OSBP2: variants seen among roughly 807,000 people sequenced by gnomAD.
The protein encoded by OSBP2 is oxysterol binding protein 2, also known as oxysterol-binding protein 2.
Under a neutral mutation model 96.0 loss-of-function variants are expected in OSBP2, and 66 were observed. That is an observed-to-expected ratio of 0.69 (90% confidence interval 0.56 to 0.84). OSBP2 has a LOEUF of 0.84. Among genes scored for constraint, OSBP2 ranks in the 40% least tolerant of loss-of-function variants. The pLI is 0.00. For synonymous variants in OSBP2, 525 were observed against 520.9 expected, an observed-to-expected ratio of 1.01 and a Z score of -0.11; for missense variants, 1,038 against 1,222.7, an observed-to-expected ratio of 0.85 and a Z score of 2.25.
chr22:30,803,113 A>T, intron 2 of OSBP2: 2 of 208,886 alleles, frequency 9.6e-6, no homozygotes, highest in Non-Finnish European at 9.4e-6. Flanking sequence ...CAGCAGCAGC[A>T]GCTGCAAGAG....
intron 2 of OSBP2, among the ~76,000 whole-genome samples, chr22:30,822,088 CAG>C (rs1434052286): frequency 6.6e-6 from 1 of 152,236 alleles, no homozygotes; most frequent in Non-Finnish European, 1.5e-5. Flanking sequence ...TGGCCAGACA[CAG>C]GTGCACCAGC....
At chr22:30,855,138 A>G (rs1349329223) in intron 2 of OSBP2, among the ~76,000 whole-genome samples, 1 of 152,244 alleles carries the variant, frequency 6.6e-6, no homozygotes, top group Admixed American at 6.5e-5. Flanking sequence ...CAGCCAAACC[A>G]TATGAGTAGG....
Position 30,694,921 on chromosome 22 carries a change from G to T in OSBP2, c.12G>T (p.Ala4=). MGK[A]AAPSRGGGCG... is the part of the protein sequence containing the mutation. ...GGTCGGCCGGCTCTATGGGGAAAGCGGCGGCTCCGAGCCGAGGCGGCGGCT... is the reference window on the plus strand; with the variant it reads ...GGTCGGCCGGCTCTATGGGGAAAGCTGCGGCTCCGAGCCGAGGCGGCGGCT... The change falls in exon 1 of 14, where the codon GCG becomes GCT. Residue 4 remains alanine, a synonymous_variant. Transcript: ENST00000332585. 6 of 1,447,598 alleles carry T rather than the reference G, an allele frequency of 4.1e-6. No homozygotes were observed. The highest frequency in any genetic ancestry group is 5.4e-6 in the Non-Finnish European group (6 of 1,106,618). 89.7% of individuals were successfully genotyped at this position (1,447,598 alleles called of 1,614,324 possible). A position where few individuals can be genotyped will look rare whatever the true frequency, so the allele number is the denominator to read the frequency against.
At position 30,730,802 on chromosome 22, in the gene OSBP2, ATATATAATTT is replaced by A. The variant is rs2089760080; in HGVS notation, c.645-10357_645-10348del. 3.0e-4 allele frequency among the ~76,000 whole-genome samples: 15 copies of A among 49,360 alleles called. 3 individuals are homozygous for A. The highest frequency in any genetic ancestry group is 1.4e-3 in the African/African-American group (13 of 9,196). 32.4% of individuals were successfully genotyped at this position (49,360 alleles called of 152,430 possible). ...TATATATATATATATATATATATAT[ATATATAATTT>A]TTTTTTTTTTTCCCATGGACATTTT... On this transcript the variant is annotated intron_variant, in intron 1 of 13. Coordinates refer to ENST00000332585, the MANE Select transcript of OSBP2 (RefSeq NM_030758.4).
chr22:30,868,355 G>A (rs1415421567), intron 2 of OSBP2, among the ~76,000 whole-genome samples: 5 of 152,220 alleles, frequency 3.3e-5, no homozygotes, highest in Admixed American at 2.6e-4. Flanking sequence ...GACCTCTACC[G>A]TGAGGCCCAG....
rs1240489666 is a variant in OSBP2 at position 30,871,265 on chromosome 22, C to T, written c.1107+583C>T. On this transcript the variant is annotated intron_variant, in intron 3 of 13. Coordinates refer to ENST00000332585, the MANE Select transcript of OSBP2 (RefSeq NM_030758.4). The surrounding 1 kb of genome is among the most constrained non-coding windows in gnomAD (Gnocchi z 4.7). ...AAGCAGCCCCGCCACAGGAGTCAGCCGCTCACCCTGGCTCTGGAAGCCACA... is the reference window on the plus strand; with the variant it reads ...AAGCAGCCCCGCCACAGGAGTCAGCTGCTCACCCTGGCTCTGGAAGCCACA... Among the ~76,000 whole-genome samples the T allele has an allele frequency of 1.3e-5, 2 of 152,122 alleles. No homozygotes were observed. Among genetic ancestry groups the T allele is most frequent in the African/African-American group, 2.4e-5 (1 of 41,418 alleles).
At chr22:30,695,654 A>G (rs1184651511) in intron 1 of OSBP2, 101 bp downstream of exon 1, 52 of 1,514,834 alleles carry the variant, frequency 3.4e-5, no homozygotes, top group Non-Finnish European at 4.4e-5. Flanking sequence ...CCACTAGTCT[A>G]GAGATGTTTA....
At chr22:30,806,602 A>G (rs1223971386) in intron 2 of OSBP2, among the ~76,000 whole-genome samples, 9 of 152,206 alleles carry the variant, frequency 5.9e-5, no homozygotes. Context: ...TGACTCATCC[A>G]TGGAGGTGTT....
chr22:30,765,858 CCTTT>C (rs1205874515), intron 2 of OSBP2, among the ~76,000 whole-genome samples: 2 of 152,130 alleles, frequency 1.3e-5, no homozygotes, highest in African/African-American at 4.8e-5. Flanking sequence ...AGTGCTATAC[CCTTT>C]CTTCATCAGA....
At chr22:30,852,381 C>T (rs1256550497) in intron 2 of OSBP2, among the ~76,000 whole-genome samples, 1 of 152,010 alleles carries the variant, frequency 6.6e-6, no homozygotes, top group East Asian at 1.9e-4. Flanking sequence ...GTAATTGGTT[C>T]TTTCAAGGAA....
intron 1 of OSBP2, among the ~76,000 whole-genome samples, chr22:30,730,370 C>T (rs1490176801): frequency 2.0e-5 from 3 of 152,078 alleles, no homozygotes; most frequent in Admixed American, 1.3e-4. Flanking sequence ...ATGGAGTGAG[C>T]ACCTCCCTTA....
chr22:30,904,124 G>A (rs1689717096), intron 12 of OSBP2, among the ~76,000 whole-genome samples: 1 of 152,200 alleles, frequency 6.6e-6, no homozygotes, highest in Non-Finnish European at 1.5e-5. Flanking sequence ...CAGTTGGGGG[G>A]TGGCTGGCAG....
Position 30,744,883 on chromosome 22 carries a change from T to A in OSBP2, c.853+3514T>A, listed in dbSNP as rs1037432912. Reference sequence around the variant, plus strand: ...CAGCAGATTATAATTTCTTTTCAAGTACACATGGAACATTTTTCAGGATAG... The same window carrying A: ...CAGCAGATTATAATTTCTTTTCAAGAACACATGGAACATTTTTCAGGATAG... On this transcript the variant is annotated intron_variant, in intron 2 of 13. Coordinates refer to ENST00000332585, the MANE Select transcript of OSBP2 (RefSeq NM_030758.4). 3.3e-5 allele frequency among the ~76,000 whole-genome samples: 5 copies of A among 152,312 alleles called. No homozygotes were observed. The East Asian group carries it at 5.8e-4, about 18-fold the overall frequency.
intron 1 of OSBP2, among the ~76,000 whole-genome samples, chr22:30,731,118 G>A (rs183168736): frequency 3.3e-5 from 5 of 151,898 alleles, no homozygotes; most frequent in South Asian, 2.1e-4. Context: ...AGGTTGCAGT[G>A]AGCCGAGATC....
At chr22:30,747,630 G>T (rs1447113971) in intron 2 of OSBP2, among the ~76,000 whole-genome samples, 2 of 152,104 alleles carry the variant, frequency 1.3e-5, no homozygotes, top group African/African-American at 4.8e-5. Flanking sequence ...GTGCGGTAAG[G>T]CCCCGTGTGA....
chr22:30,767,136 T>TAAAAAAAAA (rs2090284375), intron 2 of OSBP2, among the ~76,000 whole-genome samples: 2 of 17,576 alleles, frequency 1.1e-4, no homozygotes, highest in Admixed American at 5.7e-4. Context: ...CTACTAAAAA[T>TAAAAAAAAA]ACAAAAAAAA....
chr22:30,811,173 C>CCA (rs2091001349), intron 2 of OSBP2, among the ~76,000 whole-genome samples: 2 of 148,544 alleles, frequency 1.3e-5, no homozygotes, highest in Admixed American at 6.8e-5. Flanking sequence ...AACCCCCCCC[C>CCA]CACACATACA....
Position 30,870,465 on chromosome 22 carries a change from C to A in OSBP2, c.890C>A (p.Ala297Asp), listed in dbSNP as rs35396069. ...GACGACGACGAGGCTACCACCCCAG[C>A]CGACAAGAGCGAGCTGCACCACACC... ...SGDDDEATTP[A>D]DKSELHHTLK... Residue 297 changes from alanine (A) to aspartate (D), a missense_variant, in exon 3 of 14, where the codon GCC (alanine) becomes GAC (aspartate). Ala to Asp is a moderately radical substitution (Grantham distance 126). This residue lies in a region of OSBP2 where 737 missense variants were observed against 913.3 expected (regional missense o/e 0.81). Transcript: ENST00000332585. This position sits in a 1 kb window ranked among gnomAD's most constrained non-coding sequence, Gnocchi z 4.1. 1.0e-4 allele frequency: 167 copies of A among 1,614,064 alleles called. 1 individual carries two copies. In the African/African-American group the frequency reaches 1.3e-3, roughly 13 times the overall value.
intron 2 of OSBP2, among the ~76,000 whole-genome samples, chr22:30,745,952 G>A (rs2089994612): frequency 6.6e-6 from 1 of 152,124 alleles, no homozygotes; most frequent in African/African-American, 2.4e-5. Flanking sequence ...TAACCTGGAT[G>A]CAAATGGACA....
Sources: gnomAD v4.1 joint callset for allele counts (sites outside exome capture counted in the v4.1 genomes callset) on GRCh38, gnomAD v4.1.1 for gene constraint, gnomAD v4.1.1 regional missense constraint, Gnocchi (gnomAD v3.1) non-coding constraint, MANE v1.5 for transcripts, NCBI Gene and HGNC (gene_info 2026-07-23, HGNC 2026-07-21) for gene names.